The following MGAT4C variants were observed in gnomAD, a reference collection of about 807,000 sequenced individuals.
MGAT4C encodes the protein alpha-1,3-mannosyl-glycoprotein 4-beta-N-acetylglucosaminyltransferase C.
Under a neutral mutation model 40.1 loss-of-function variants are expected in MGAT4C, and 19 were observed. That is an observed-to-expected ratio of 0.47 (90% CI 0.33 to 0.70). The LOEUF (loss-of-function observed/expected upper bound fraction) is 0.70, where lower values mean the gene tolerates loss of function less well. Among genes scored for constraint, MGAT4C ranks in the 30% least tolerant of loss-of-function variants. MGAT4C has a pLI of 0.02. For synonymous variants in MGAT4C, 181 were observed against 187.1 expected, an observed-to-expected ratio of 0.97 and a Z score of 0.27; for missense variants, 491 against 563.2, an observed-to-expected ratio of 0.87 and a Z score of 1.30.
chr12:86,171,535 G>A lies in MGAT4C; in HGVS notation c.-57+84704C>T, dbSNP rs572672086. Among the ~76,000 whole-genome samples the A allele has an allele frequency of 3.6e-4, 54 of 152,046 alleles. 1 individual carries two copies. Among genetic ancestry groups the A allele is most frequent in the Non-Finnish European group, 2.5e-4 (17 of 67,996 alleles). On this transcript the variant is annotated intron_variant, in intron 1 of 4. Transcript: ENST00000611864. Reference sequence around the variant, plus strand: ...CCATTCTAATGGCTCATTAAAACAAGCATAACAGGAGTTTATAATTTCCAT... The same window carrying A: ...CCATTCTAATGGCTCATTAAAACAAACATAACAGGAGTTTATAATTTCCAT...
At chr12:86,637,123 G>A (rs1261267411) in intron 2 of MGAT4C, among the ~76,000 whole-genome samples, 1 of 151,846 alleles carries the variant, frequency 6.6e-6, no homozygotes, top group Admixed American at 6.6e-5. Flanking sequence ...ATTCTGTACA[G>A]AAATGAGTTC....
At chr12:86,501,749 G>A (rs1958347110) in intron 2 of MGAT4C, among the ~76,000 whole-genome samples, 1 of 152,026 alleles carries the variant, frequency 6.6e-6, no homozygotes, top group African/African-American at 2.4e-5. Context: ...TATCATTGAT[G>A]GGGGTTTGGG....
chr12:86,089,921 C>T (rs1256420680), intron 1 of MGAT4C, among the ~76,000 whole-genome samples: 1 of 151,656 alleles, frequency 6.6e-6, no homozygotes, highest in Admixed American at 6.6e-5. Flanking sequence ...TTTTAAAATG[C>T]ACTATAAACA....
At chr12:86,629,767 A>C (rs1962966173) in intron 2 of MGAT4C, among the ~76,000 whole-genome samples, 1 of 152,212 alleles carries the variant, frequency 6.6e-6, no homozygotes, top group South Asian at 2.1e-4. Flanking sequence ...TGTAGAGGGA[A>C]ATTTACAACA....
intron 1 of MGAT4C, among the ~76,000 whole-genome samples, chr12:86,742,994 T>TATGTGTGTATGTGTATGTGTGTATGC (rs1951092945): frequency 6.6e-6 from 1 of 151,524 alleles, no homozygotes. Flanking sequence ...TGTGTGTGTG[T>TATGTGTGTATGTGTATGTGTGTATGC]ATGTGTGTAT....
intron 1 of MGAT4C, among the ~76,000 whole-genome samples, chr12:86,744,839 C>T (rs1460600920): frequency 6.6e-6 from 1 of 151,282 alleles, no homozygotes; most frequent in Non-Finnish European, 1.5e-5. Context: ...GGGCCCTCCA[C>T]CACAGTATGA....
chr12:86,232,525 C>G (rs1951364144), intron 1 of MGAT4C, among the ~76,000 whole-genome samples: 1 of 152,152 alleles, frequency 6.6e-6, no homozygotes, highest in South Asian at 2.1e-4. Context: ...ACTATTTATT[C>G]TCTCTCACCT....
At chr12:86,648,916 T>C (rs935373989) in intron 2 of MGAT4C, among the ~76,000 whole-genome samples, 1 of 151,674 alleles carries the variant, frequency 6.6e-6, no homozygotes, top group Non-Finnish European at 1.5e-5. Flanking sequence ...CTCTATAGAT[T>C]TTTTTCCTAT....
intron 2 of MGAT4C, among the ~76,000 whole-genome samples, chr12:86,452,504 A>G (rs61949530): frequency 0.11 from 15,997 of 151,774 alleles, 1,039 homozygotes; most frequent in Middle Eastern, 0.25. Flanking sequence ...TTTTCTTCTT[A>G]ATTTCTATTT....
At chr12:86,185,811 A>T (rs1383471056) in intron 1 of MGAT4C, among the ~76,000 whole-genome samples, 2 of 152,136 alleles carry the variant, frequency 1.3e-5, no homozygotes, top group African/African-American at 4.8e-5. Flanking sequence ...CGAGTATTTT[A>T]CAAAATGCAG....
chr12:86,124,030 A>G (rs1411982128), intron 1 of MGAT4C, among the ~76,000 whole-genome samples: 2 of 152,164 alleles, frequency 1.3e-5, no homozygotes, highest in Non-Finnish European at 2.9e-5. Context: ...CCAAAGTAAA[A>G]TAAGCCAAAA....
At chr12:86,536,743 C>T (rs1959076159) in intron 2 of MGAT4C, among the ~76,000 whole-genome samples, 1 of 152,130 alleles carries the variant, frequency 6.6e-6, no homozygotes, top group African/African-American at 2.4e-5. Flanking sequence ...ATATACCACC[C>T]ATGTGTTCTT....
intron 3 of MGAT4C, among the ~76,000 whole-genome samples, chr12:86,429,063 G>A (rs1473125468): frequency 6.6e-6 from 1 of 151,796 alleles, no homozygotes. Context: ...GTTTATTTGA[G>A]ATCTTTTTCT....
intron 1 of MGAT4C, among the ~76,000 whole-genome samples, chr12:86,810,642 G>T (rs77708939): frequency 0.02 from 2,999 of 151,278 alleles, 41 homozygotes; most frequent in Non-Finnish European, 0.03. Flanking sequence ...ATTGATTTTT[G>T]AGTGTTCAAC....
intron 2 of MGAT4C, among the ~76,000 whole-genome samples, chr12:86,668,468 G>A (rs1470014916): frequency 1.3e-5 from 2 of 152,172 alleles, no homozygotes; most frequent in African/African-American, 2.4e-5. Flanking sequence ...AAGGTAACTT[G>A]GGAGAGGGAT....
intron 2 of MGAT4C, among the ~76,000 whole-genome samples, chr12:86,542,805 C>G (rs996127225): frequency 2.6e-5 from 4 of 152,188 alleles, no homozygotes; most frequent in Admixed American, 6.5e-5. Context: ...TGGCACAGGG[C>G]AAGCACATAA....
chr12:86,305,470 A>ATGCT (rs1953913608), intron 4 of MGAT4C, among the ~76,000 whole-genome samples: 1 of 149,698 alleles, frequency 6.7e-6, no homozygotes, highest in Non-Finnish European at 1.5e-5. Flanking sequence ...AAAGAAAGAA[A>ATGCT]TGCTGTTATG....
intron 1 of MGAT4C, among the ~76,000 whole-genome samples, chr12:86,135,492 G>A (rs1417527151): frequency 6.6e-6 from 1 of 152,094 alleles, no homozygotes; most frequent in Non-Finnish European, 1.5e-5. Flanking sequence ...AGGCTGGATG[G>A]TGTAATTACG....
chr12:86,187,576 G>T (rs1888903441), intron 1 of MGAT4C, among the ~76,000 whole-genome samples: 1 of 147,774 alleles, frequency 6.8e-6, no homozygotes, highest in Non-Finnish European at 1.5e-5. Context: ...TTTCCTTTTA[G>T]ATTTGCCTTT....
Sources: allele counts gnomAD v4.1 joint callset (sites outside exome capture counted in the v4.1 genomes callset), GRCh38; gene constraint gnomAD v4.1.1; transcripts MANE v1.5; gene names NCBI Gene and HGNC (gene_info 2026-07-23, HGNC 2026-07-21).